The following TRAK1 variants were observed in gnomAD, a reference collection of about 807,000 sequenced individuals.
The protein encoded by TRAK1 is trafficking kinesin protein 1.
TRAK1 carries 33 observed loss-of-function variants against 92.1 expected under a neutral mutation model. The observed-to-expected ratio is 0.36, with a 90% CI of 0.27 to 0.48. The LOEUF (loss-of-function observed/expected upper bound fraction) is 0.48, where lower values mean the gene tolerates loss of function less well. TRAK1 is among the 20% of genes least tolerant of loss of function. The pLI, the probability that TRAK1 is intolerant of heterozygous loss-of-function variation, is 0.99. For synonymous variants in TRAK1, 521 were observed against 517.3 expected (o/e 1.01, Z -0.10); for missense variants, 1,123 against 1,257.9 (o/e 0.89, Z 1.62).
chr3:42,026,175 C>A (rs1409828293), intron 1 of TRAK1, among the ~76,000 whole-genome samples: 5 of 152,004 alleles, frequency 3.3e-5, no homozygotes, highest in Non-Finnish European at 7.3e-5. Context: ...CTTTGTGAAA[C>A]TAGAAGAGGA....
intron 7 of TRAK1, among the ~76,000 whole-genome samples, chr3:42,192,499 A>ACCAAGTATTTTGCATTTCGTCAAAGTG: frequency 6.6e-6 from 1 of 152,294 alleles, no homozygotes; most frequent in South Asian, 2.1e-4. Context: ...TCGTCAAAGT[A>ACCAAGTATTTTGCATTTCGTCAAAGTG]CTATTTTGCA....
At chr3:42,167,977 G>A (rs1173427727) in intron 2 of TRAK1, among the ~76,000 whole-genome samples, 3 of 152,216 alleles carry the variant, frequency 2.0e-5, no homozygotes, top group African/African-American at 7.2e-5. Context: ...CTAAATTACT[G>A]AGGGTCAACA....
chr3:42,188,071 C>T lies in TRAK1; in HGVS notation c.507C>T (p.Ser169=). The change falls in exon 5 of 16, where the codon TCC becomes TCT. Residue 169 remains serine (S), a synonymous_variant. Transcript: ENST00000327628. The part of the protein sequence containing the change: ...EEVSQLRHEL[S]MKDELLQFYT... ...TGTCTCAGCTCCGGCATGAGCTGTC[C>T]ATGAAGGATGAGCTGCTTCAGTTCT... 1 of 1,613,934 alleles carries T rather than the reference C, an allele frequency of 6.2e-7. No individual in the cohort carries two copies. Among genetic ancestry groups the T allele is most frequent in the Non-Finnish European group, 8.5e-7 (1 of 1,179,996 alleles).
rs920984324 is a variant in TRAK1, at chr3:42,016,205, GT to G, written c.-519+2099del. On this transcript the variant is annotated intron_variant, in intron 1 of 16. Transcript: ENST00000487159. ...TCCTGTCATTGCATTCTGGTTTTTT[GT>G]TTTTTTTTTTCTTTTTGAGTCAGAG... 1.2e-3 allele frequency among the ~76,000 whole-genome samples: 173 copies of G among 146,652 alleles called. 1 individual carries two copies. Among genetic ancestry groups the G allele is most frequent in the African/African-American group, 3.8e-3 (152 of 40,150 alleles).
chr3:42,117,579 T>A (rs1709321587), intron 1 of TRAK1, among the ~76,000 whole-genome samples: 1 of 152,098 alleles, frequency 6.6e-6, no homozygotes, highest in South Asian at 2.1e-4. Flanking sequence ...CTACTTTCCT[T>A]CTAGACAGCT....
rs527668744 is a variant in TRAK1 at position 42,137,956 on chromosome 3, C to T, written c.286+12342C>T. On this transcript the variant is annotated intron_variant, in intron 2 of 15. Coordinates refer to ENST00000327628, the MANE Select transcript of TRAK1 (RefSeq NM_001042646.3). Reference sequence around the variant, plus strand: ...TGAATGTTTCTTTGAGAGATTTTCACTCTCTAGTTAATGGTATCCCATGAT... The same window carrying T: ...TGAATGTTTCTTTGAGAGATTTTCATTCTCTAGTTAATGGTATCCCATGAT... Among the ~76,000 whole-genome samples, 20 of 152,298 alleles carry T rather than the reference C, an allele frequency of 1.3e-4. No individual in the cohort carries two copies. In the South Asian group the frequency reaches 4.1e-3, roughly 32 times the overall value.
chr3:42,061,647 G>A (rs1011229206), intron 1 of TRAK1, among the ~76,000 whole-genome samples: 5 of 152,170 alleles, frequency 3.3e-5, no homozygotes, highest in South Asian at 4.2e-4. Context: ...ATTCCATTCC[G>A]TGCAAGTACA....
chr3:42,210,085 C>CGGAGGAGGAGGAGGAGGA, intron 14 of TRAK1, 100 bp downstream of exon 14: 6 of 1,577,442 alleles, frequency 3.8e-6, no homozygotes, highest in East Asian at 2.3e-5. Context: ...CCAGCGGCCA[C>CGGAGGAGGAGGAGGAGGA]GGAGGAGGAG....
chr3:42,198,928 T>C (rs1485571316), intron 10 of TRAK1, among the ~76,000 whole-genome samples: 1 of 152,106 alleles, frequency 6.6e-6, no homozygotes, highest in Admixed American at 6.6e-5. Context: ...TTTAGACACC[T>C]AATGGCATAT....
chr3:42,178,093 C>G (rs1230586208), intron 3 of TRAK1, among the ~76,000 whole-genome samples: 1 of 152,150 alleles, frequency 6.6e-6, no homozygotes, highest in Non-Finnish European at 1.5e-5. Flanking sequence ...ACAGTGCTCT[C>G]CAGATCTTAC....
At chr3:42,088,117 TA>T (rs1322463317), upstream of TRAK1, among the ~76,000 whole-genome samples, 3 of 152,208 alleles carry the variant, frequency 2.0e-5, no homozygotes, top group Non-Finnish European at 4.4e-5. Flanking sequence ...GAAGTTTGCT[TA>T]ATTTCTCATT....
rs893318908 is a variant in TRAK1 at position 42,200,851 on chromosome 3, C to T, written c.1224C>T (p.Asn408=). The change falls in exon 12 of 16, where the codon AAC becomes AAT. Residue 408 remains asparagine, a synonymous_variant. Coordinates refer to ENST00000327628, the MANE Select transcript of TRAK1 (RefSeq NM_001042646.3). ...HQKRVFETVR[N]INQVVKQRSL... ...AGCGTGTCTTTGAGACAGTAAGAAA[C>T]ATCAACCAGGTTGTCAAGCAGAGAT... 1.9e-6 allele frequency: 3 copies of T among 1,614,180 alleles called. No homozygotes were observed. The highest frequency in any genetic ancestry group is 2.5e-6 in the Non-Finnish European group (3 of 1,180,034).
chr3:42,086,709 T>C (rs541587358), upstream of TRAK1, among the ~76,000 whole-genome samples: 1 of 152,254 alleles, frequency 6.6e-6, no homozygotes, highest in South Asian at 2.1e-4. Flanking sequence ...TGAGAAGTTA[T>C]TGTGGTTGAA....
chr3:42,189,902 G>A (rs1424990766), intron 6 of TRAK1, among the ~76,000 whole-genome samples: 2 of 152,168 alleles, frequency 1.3e-5, no homozygotes, highest in Non-Finnish European at 2.9e-5. Flanking sequence ...ATGCTTTTGA[G>A]TTTGTTTTAT....
Position 42,192,474 on chromosome 3 carries a change from T to TAAGTATTTTGCATTTCGTCAAAGTACC in TRAK1, c.770-575_770-574insCAAGTATTTTGCATTTCGTCAAAGTAC, listed in dbSNP as rs71078420. ...AGTATTTTGCATTTCGTCAAAGTACTAAGTATTTTGCATTTCGTCAAAGTA... is the reference window on the plus strand; with the variant it reads ...AGTATTTTGCATTTCGTCAAAGTACTAAGTATTTTGCATTTCGTCAAAGTACCAAGTATTTTGCATTTCGTCAAAGTA... On this transcript the variant is annotated intron_variant, in intron 7 of 15. Coordinates refer to ENST00000327628, the MANE Select transcript of TRAK1 (RefSeq NM_001042646.3). Among the ~76,000 whole-genome samples, 630 of 131,842 alleles carry TAAGTATTTTGCATTTCGTCAAAGTACC rather than the reference T, an allele frequency of 4.8e-3. 35 individuals are homozygous for TAAGTATTTTGCATTTCGTCAAAGTACC. Among genetic ancestry groups the TAAGTATTTTGCATTTCGTCAAAGTACC allele is most frequent in the African/African-American group, 0.02 (601 of 29,542 alleles). 86.5% of individuals were successfully genotyped at this position (131,842 alleles called of 152,430 possible). A position where few individuals can be genotyped will look rare whatever the true frequency, so the allele number is the denominator to read the frequency against.
In TRAK1 at chr3:42,223,808, C is replaced by G; in HGVS notation, c.*71C>G. On this transcript the variant is annotated 3_prime_UTR_variant, in exon 16 of 16. Transcript: ENST00000327628. The surrounding 1 kb of genome is among the most constrained non-coding windows in gnomAD (Gnocchi z 6.1). ...TCTCTTGCTCCCACCTCCCTCTCTT[C>G]CCCCCACAGTGCACTCCCTCCCTCT... 1 of 1,499,014 alleles carries G rather than the reference C, an allele frequency of 6.7e-7. No homozygotes were observed. Among genetic ancestry groups the G allele is most frequent in the Non-Finnish European group, 9.1e-7 (1 of 1,100,406 alleles). 92.9% of individuals were successfully genotyped at this position (1,499,014 alleles called of 1,614,324 possible). A position where few individuals can be genotyped will look rare whatever the true frequency, so the allele number is the denominator to read the frequency against.
intron 14 of TRAK1, among the ~76,000 whole-genome samples, chr3:42,215,023 T>G (rs898923614): frequency 1.3e-5 from 2 of 152,240 alleles, no homozygotes; most frequent in Non-Finnish European, 2.9e-5. Flanking sequence ...GAGAAAACAC[T>G]TGTTAAAGCC....
At chr3:42,215,606 G>A (rs1709596522) in intron 14 of TRAK1, among the ~76,000 whole-genome samples, 1 of 152,164 alleles carries the variant, frequency 6.6e-6, no homozygotes, top group Non-Finnish European at 1.5e-5. Context: ...TTAAGTCAAG[G>A]AAAGAAAGGT....
At chr3:42,213,887 T>G (rs2149521507) in intron 14 of TRAK1, among the ~76,000 whole-genome samples, 1 of 152,220 alleles carries the variant, frequency 6.6e-6, no homozygotes, top group Non-Finnish European at 1.5e-5. Flanking sequence ...TGAGGGAGTT[T>G]TGTTGTTATG....
Sources: gnomAD v4.1 joint callset for allele counts (sites outside exome capture counted in the v4.1 genomes callset) on GRCh38, gnomAD v4.1.1 for gene constraint, Gnocchi (gnomAD v3.1) non-coding constraint, MANE v1.5 for transcripts, NCBI Gene and HGNC (gene_info 2026-07-23, HGNC 2026-07-21) for gene names.